Variants in XYLT1 observed in about 807,000 individuals in gnomAD.
The protein encoded by XYLT1 is xylosyltransferase 1.
A neutral mutation model predicts 91.3 loss-of-function variants in XYLT1; 36 were observed. That is an observed-to-expected ratio of 0.39 (90% CI 0.30 to 0.52). The LOEUF (loss-of-function observed/expected upper bound fraction) is 0.52, where lower values mean the gene tolerates loss of function less well. Ranked by LOEUF, XYLT1 falls within the 20% of genes least tolerant of loss-of-function variation. The probability of loss-of-function intolerance (pLI) is 0.68; values close to 1 mark genes in which losing one functional copy is unlikely to be tolerated. For missense variants in XYLT1, 1,242 were observed against 1,284.5 expected, an observed-to-expected ratio of 0.97 and a Z score of 0.51; for synonymous variants, 588 against 532.0, an observed-to-expected ratio of 1.11 and a Z score of -1.45.
intron 1 of XYLT1, among the ~76,000 whole-genome samples, chr16:17,370,817 T>C (rs563139444): frequency 1.3e-5 from 2 of 152,314 alleles, no homozygotes; most frequent in Admixed American, 6.5e-5. Context: ...TCAGAAGACC[T>C]AGCTACACAA....
At chr16:17,349,684 C>T (rs766413890) in intron 2 of XYLT1, among the ~76,000 whole-genome samples, 2 of 150,156 alleles carry the variant, frequency 1.3e-5, no homozygotes, top group African/African-American at 5.0e-5. Flanking sequence ...AGTAATACTT[C>T]CCATAAGAGA....
At chr16:17,350,967 G>A (rs2035211960) in intron 2 of XYLT1, among the ~76,000 whole-genome samples, 1 of 152,076 alleles carries the variant, frequency 6.6e-6, no homozygotes, top group South Asian at 2.1e-4. Context: ...TCAGTCCAGA[G>A]ACCTTGGCAA....
chr16:17,309,375 G>T (rs910539026), intron 2 of XYLT1, among the ~76,000 whole-genome samples: 1 of 152,178 alleles, frequency 6.6e-6, no homozygotes, highest in Non-Finnish European at 1.5e-5. Context: ...CTGACACACC[G>T]TGGGTCCTCA....
intron 5 of XYLT1, among the ~76,000 whole-genome samples, chr16:17,160,198 A>G (rs2031513873): frequency 6.6e-6 from 1 of 152,154 alleles, no homozygotes; most frequent in Admixed American, 6.5e-5. Flanking sequence ...CTTTCTCTGA[A>G]TGCGCCTAGG....
chr16:17,453,044 T>A (rs2036687761), intron 1 of XYLT1, among the ~76,000 whole-genome samples: 1 of 152,224 alleles, frequency 6.6e-6, no homozygotes, highest in African/African-American at 2.4e-5. Flanking sequence ...AATTCCACTC[T>A]GGAATCATAA....
At chr16:17,126,644 T>G (rs536700629) in intron 10 of XYLT1, among the ~76,000 whole-genome samples, 35 of 152,170 alleles carry the variant, frequency 2.3e-4, no homozygotes, top group Non-Finnish European at 4.6e-4. Flanking sequence ...TGTACCATAG[T>G]CTACAATCAG....
chr16:17,126,566 G>T (rs1017520883), intron 10 of XYLT1, among the ~76,000 whole-genome samples: 2 of 152,150 alleles, frequency 1.3e-5, no homozygotes, highest in Non-Finnish European at 2.9e-5. Flanking sequence ...AGCTAGAGAA[G>T]GACTGTCAAG....
At chr16:17,463,869 A>C (rs1405570458) in intron 1 of XYLT1, among the ~76,000 whole-genome samples, 1 of 152,276 alleles carries the variant, frequency 6.6e-6, no homozygotes. Context: ...GGATAAAGAA[A>C]ATGTGGTAAA....
intron 1 of XYLT1, among the ~76,000 whole-genome samples, chr16:17,400,180 C>CA (rs1418840408): frequency 6.6e-6 from 1 of 152,218 alleles, no homozygotes; most frequent in East Asian, 1.9e-4. Flanking sequence ...CTGGGAGACA[C>CA]ATCAAGCATT....
chr16:17,111,705 C>T (rs1966841194), intron 11 of XYLT1, among the ~76,000 whole-genome samples: 2 of 152,224 alleles, frequency 1.3e-5, no homozygotes, highest in African/African-American at 2.4e-5. Flanking sequence ...ATCGCCACTC[C>T]TTCAATTCCC....
At chr16:17,281,739 A>G (rs1432068837) in intron 2 of XYLT1, among the ~76,000 whole-genome samples, 1 of 152,150 alleles carries the variant, frequency 6.6e-6, no homozygotes, top group African/African-American at 2.4e-5. Flanking sequence ...AAAGGCAATC[A>G]TTTCCTCCCT....
intron 3 of XYLT1, among the ~76,000 whole-genome samples, chr16:17,253,859 A>AGAGAGAGAGAGAGAGAGAGAGAGAGC (rs1555491314): frequency 6.8e-6 from 1 of 146,144 alleles, no homozygotes; most frequent in African/African-American, 2.6e-5. Flanking sequence ...AGAGAGAGAG[A>AGAGAGAGAGAGAGAGAGAGAGAGAGC]GAGCGAGCCT....
At chr16:17,429,932 ATTTTTTTT>A (rs34434695) in intron 1 of XYLT1, among the ~76,000 whole-genome samples, 71 of 119,312 alleles carry the variant, frequency 6.0e-4, no homozygotes, top group African/African-American at 2.2e-3. Flanking sequence ...TCCCATAATA[ATTTTTTTT>A]TTTTTTTTTT....
At chr16:17,258,152 T>C (rs964431451) in intron 3 of XYLT1, among the ~76,000 whole-genome samples, 4 of 134,948 alleles carry the variant, frequency 3.0e-5, no homozygotes, top group African/African-American at 1.1e-4. Context: ...CAAGGAAAGG[T>C]GGAAAGAAGG....
intron 11 of XYLT1, among the ~76,000 whole-genome samples, chr16:17,116,835 G>A (rs986562605): frequency 2.0e-5 from 3 of 152,206 alleles, no homozygotes; most frequent in Admixed American, 6.5e-5. Flanking sequence ...TTCCCAATAT[G>A]ATGGGTGTGA....
In XYLT1 at chr16:17,179,975, A is replaced by C. The variant is rs149864419; in HGVS notation, c.1289+18237T>G. On this transcript the variant is annotated intron_variant, in intron 5 of 11. Coordinates refer to ENST00000261381, the MANE Select transcript of XYLT1 (RefSeq NM_022166.4). Reference sequence around the variant, plus strand: ...CATTGTTAAGGACATGGGTGGGTTTAAGCTCCACTGAGCTCCACTTCTGGG... The same window carrying C: ...CATTGTTAAGGACATGGGTGGGTTTCAGCTCCACTGAGCTCCACTTCTGGG... 3.7e-3 allele frequency among the ~76,000 whole-genome samples: 561 copies of C among 152,334 alleles called. 5 individuals carry two copies. Among genetic ancestry groups the C allele is most frequent in the African/African-American group, 0.013 (543 of 41,576 alleles).
At chr16:17,232,202 AAT>A (rs1037659116) in intron 3 of XYLT1, among the ~76,000 whole-genome samples, 8 of 141,540 alleles carry the variant, frequency 5.7e-5, no homozygotes, top group African/African-American at 1.6e-4. Context: ...TAAAATATAT[AAT>A]ATATATTATA....
Position 17,138,450 on chromosome 16 carries a change from G to A in XYLT1, c.1669C>T (p.Arg557Cys), listed in dbSNP as rs2141515545. Reference sequence around the variant, plus strand: ...TACTGGCACTTGCAGCCCAGCTTGCGATTCCAGTTGGTGATGCGCAGGTTG... The same window carrying A: ...TACTGGCACTTGCAGCCCAGCTTGCAATTCCAGTTGGTGATGCGCAGGTTG... ...DNNLRITNWN[R>C]KLGCKCQYKH... is the part of the protein sequence containing the mutation. The change falls in exon 8 of 12, where the codon CGC becomes TGC. Residue 557 changes from arginine (R) to cysteine (C), a missense_variant. Arg to Cys is a radical substitution (Grantham distance 180). Transcript: ENST00000261381. 6.2e-6 allele frequency: 10 copies of A among 1,614,194 alleles called. No individual in the cohort carries two copies. Among genetic ancestry groups the A allele is most frequent in the Non-Finnish European group, 8.5e-6 (10 of 1,180,028 alleles).
intron 1 of XYLT1, among the ~76,000 whole-genome samples, chr16:17,438,108 A>C (rs939844398): frequency 2.6e-5 from 4 of 152,218 alleles, no homozygotes; most frequent in African/African-American, 9.6e-5. Flanking sequence ...TTCCAAAACC[A>C]CTAAGGGGCC....
Sources: allele counts gnomAD v4.1 joint callset (sites outside exome capture counted in the v4.1 genomes callset), GRCh38; gene constraint gnomAD v4.1.1; transcripts MANE v1.5; gene names NCBI Gene and HGNC (gene_info 2026-07-23, HGNC 2026-07-21).